The following DSTYK variants were observed in gnomAD, a reference collection of about 807,000 sequenced individuals.
The protein encoded by DSTYK is dual serine/threonine and tyrosine protein kinase.
A neutral mutation model predicts 98.7 loss-of-function variants in DSTYK; 34 were observed. The ratio of observed to expected loss-of-function variants is 0.34; its 90% CI spans 0.26 to 0.46. DSTYK has a LOEUF of 0.46. DSTYK is among the 20% of genes least tolerant of loss of function. The pLI is 1.00. For synonymous variants in DSTYK, 462 were observed against 457.3 expected (o/e 1.01, Z -0.13); for missense variants, 962 against 1,181.7 (o/e 0.81, Z 2.73).
chr1:205,150,568 C>G lies in DSTYK; in HGVS notation c.2467+112G>C. 2 of 833,336 alleles carry G rather than the reference C, an allele frequency of 2.4e-6. No homozygotes were observed. The highest frequency in any genetic ancestry group is 3.3e-5 in the South Asian group (2 of 60,420). 51.6% of individuals were successfully genotyped at this position (833,336 alleles called of 1,614,324 possible). A position where few individuals can be genotyped will look rare whatever the true frequency, so the allele number is the denominator to read the frequency against. On this transcript the variant is annotated intron_variant, in intron 11 of 12. Coordinates refer to ENST00000367162, the MANE Select transcript of DSTYK (RefSeq NM_015375.3). The surrounding 1 kb of genome is among the most constrained non-coding windows in gnomAD (Gnocchi z 4.1). ...AGGTCTCCCCTGATCTGGTTTCTCC[C>G]TTGCCTGTGCCAGACCTGCCAGTAG...
chr1:205,183,191 T>C (rs575746457), intron 2 of DSTYK, among the ~76,000 whole-genome samples: 1 of 152,194 alleles, frequency 6.6e-6, no homozygotes, highest in Non-Finnish European at 1.5e-5. Flanking sequence ...GTGTCAGATA[T>C]ACATGCTTGA....
At chr1:205,155,278 C>T (rs902887381) in intron 10 of DSTYK, among the ~76,000 whole-genome samples, 1 of 151,878 alleles carries the variant, frequency 6.6e-6, no homozygotes, top group Admixed American at 6.6e-5. Context: ...GCCACCATAC[C>T]CACCCCGGAA....
At chr1:205,159,963 C>A in intron 8 of DSTYK, 151 bp downstream of exon 8, 1 of 945,278 alleles carries the variant, frequency 1.1e-6, no homozygotes, top group Non-Finnish European at 1.7e-6. Context: ...CAAGCAAAGA[C>A]AGTAAAGGCC....
At chr1:205,157,833 C>T (rs1410255297) in intron 9 of DSTYK, among the ~76,000 whole-genome samples, 4 of 151,442 alleles carry the variant, frequency 2.6e-5, no homozygotes, top group Middle Eastern at 3.5e-3. Flanking sequence ...CAAGGAAGAG[C>T]AAGTTGTAAA....
chr1:205,148,948 G>T (rs1222585109), intron 11 of DSTYK, among the ~76,000 whole-genome samples: 1 of 151,160 alleles, frequency 6.6e-6, no homozygotes, highest in Non-Finnish European at 1.5e-5. Context: ...TATTGCCCAG[G>T]CTGGAGTGCA....
chr1:205,190,440 C>G (rs1558620986), intron 1 of DSTYK, among the ~76,000 whole-genome samples: 1 of 152,018 alleles, frequency 6.6e-6, no homozygotes, highest in Non-Finnish European at 1.5e-5. Context: ...GCCTGGCCAA[C>G]ATGGCGAAAC....
chr1:205,199,811 T>C (rs1658973113), intron 1 of DSTYK, among the ~76,000 whole-genome samples: 2 of 152,026 alleles, frequency 1.3e-5, no homozygotes, highest in Non-Finnish European at 2.9e-5. Flanking sequence ...TAACCTTAGG[T>C]TTTACAACCA....
chr1:205,183,082 A>AAG (rs1422093995), intron 2 of DSTYK, among the ~76,000 whole-genome samples: 330 of 141,464 alleles, frequency 2.3e-3, no homozygotes, highest in Non-Finnish European at 4.1e-3. Context: ...AAAAAAAAGC[A>AAG]CACACACACA....
rs1404050991 is a variant in DSTYK, at chr1:205,211,352, T to G, written c.184A>C (p.Thr62Pro). The G allele has an allele frequency of 2.5e-6, 4 of 1,612,064 alleles. No homozygotes were observed. The highest frequency in any genetic ancestry group is 3.4e-6 in the Non-Finnish European group (4 of 1,179,338). ...FRDIKCSHNH[T>P]CLSSLTGGGG... ...CCGCCCGTGAGGGAGGAGAGACAAG[T>G]GTGGTTGTGGGAGCACTTGATGTCG... Residue 62 changes from threonine (T) to proline (P), a missense_variant, in exon 1 of 13, where the codon ACT becomes CCT. By Grantham distance (38) the Thr-to-Pro change is conservative (BLOSUM62 -1). Transcript: ENST00000367162.
At chr1:205,184,120 A>G (rs2102444252) in intron 2 of DSTYK, among the ~76,000 whole-genome samples, 1 of 152,192 alleles carries the variant, frequency 6.6e-6, no homozygotes, top group Middle Eastern at 3.4e-3. Flanking sequence ...CTCTGTCTGC[A>G]TGCTTAGCAC....
intron 1 of DSTYK, among the ~76,000 whole-genome samples, chr1:205,192,252 C>T (rs1170960817): frequency 6.6e-6 from 1 of 152,130 alleles, no homozygotes; most frequent in Admixed American, 6.5e-5. Context: ...AAGAAATGGA[C>T]CAGGCATGGT....
intron 1 of DSTYK, among the ~76,000 whole-genome samples, chr1:205,209,388 A>C (rs1490614507): frequency 6.6e-6 from 1 of 152,168 alleles, no homozygotes; most frequent in African/African-American, 2.4e-5. Flanking sequence ...AGCCCTTCCC[A>C]TCAGCTGTTT....
intron 7 of DSTYK, 26 bp downstream of exon 7, chr1:205,161,232 T>C: frequency 6.2e-7 from 1 of 1,612,960 alleles, no homozygotes; most frequent in Non-Finnish European, 8.5e-7. Context: ...CATCCTCCAG[T>C]TTATCTAGAA....
At chr1:205,175,932 A>G (rs1390064373) in intron 2 of DSTYK, among the ~76,000 whole-genome samples, 1 of 152,192 alleles carries the variant, frequency 6.6e-6, no homozygotes, top group Non-Finnish European at 1.5e-5. Context: ...CTCCCATCCC[A>G]CACATTTTAT....
At position 205,211,479 on chromosome 1, in the gene DSTYK, G is replaced by C. The variant is rs868458057; in HGVS notation, c.57C>G (p.Gly19=). 1.3e-6 allele frequency: 2 copies of C among 1,583,942 alleles called. No individual in the cohort carries two copies. Among genetic ancestry groups the C allele is most frequent in the Admixed American group, 1.7e-5 (1 of 57,954 alleles). Residue 19 remains glycine, a synonymous_variant, in exon 1 of 13, where the codon GGC becomes GGG. Transcript: ENST00000367162. ...GSEPVSGPGP[G]GGGMIRELCR... ...ACAGCTCGCGGATCATTCCGCCGCC[G>C]CCGGGGCCGGGACCCGAGACGGGCT...
At chr1:205,205,942 CTTT>C (rs901667917) in intron 1 of DSTYK, among the ~76,000 whole-genome samples, 3 of 152,172 alleles carry the variant, frequency 2.0e-5, no homozygotes, top group African/African-American at 7.2e-5. Context: ...TAGCATTCTG[CTTT>C]TTTATGTACG....
chr1:205,184,194 G>T (rs1658500803), intron 2 of DSTYK, among the ~76,000 whole-genome samples: 1 of 151,826 alleles, frequency 6.6e-6, no homozygotes, highest in Non-Finnish European at 1.5e-5. Context: ...GCGCTTGGGG[G>T]GATGGCTCAT....
chr1:205,211,445 A>AGCCCCGGCACAGCTC lies in DSTYK; in HGVS notation c.76_90dup (p.Glu26_Gly30dup), dbSNP rs1659379492. On this transcript the variant is annotated inframe_insertion, in exon 1 of 13. Coordinates refer to ENST00000367162, the MANE Select transcript of DSTYK (RefSeq NM_015375.3). ...CCCAGGTAGCGGCGGTAGCGGCCGA[A>AGCCCCGGCACAGCTC]GCCCCGGCACAGCTCGCGGATCATT... 6 of 1,602,658 alleles carry AGCCCCGGCACAGCTC rather than the reference A, an allele frequency of 3.7e-6. No individual in the cohort carries two copies. The highest frequency in any genetic ancestry group is 1.3e-5 in the African/African-American group (1 of 74,704).
intron 2 of DSTYK, among the ~76,000 whole-genome samples, chr1:205,171,964 T>C (rs1360354191): frequency 6.6e-6 from 1 of 152,202 alleles, no homozygotes; most frequent in Non-Finnish European, 1.5e-5. Context: ...GGTTTATTGA[T>C]TGATTGATTG....
Sources: gnomAD v4.1 joint callset for allele counts (sites outside exome capture counted in the v4.1 genomes callset) on GRCh38, gnomAD v4.1.1 for gene constraint, Gnocchi (gnomAD v3.1) non-coding constraint, MANE v1.5 for transcripts, NCBI Gene and HGNC (gene_info 2026-07-23, HGNC 2026-07-21) for gene names.